AFDN: variants seen among roughly 807,000 people sequenced by gnomAD.
The protein encoded by AFDN is afadin, adherens junction formation factor.
AFDN carries 68 observed loss-of-function variants against 216.6 expected under a neutral mutation model. The ratio of observed to expected loss-of-function variants is 0.31; its 90% CI spans 0.26 to 0.38. The LOEUF (loss-of-function observed/expected upper bound fraction) is 0.38. Ranked by LOEUF, AFDN falls within the 10% of genes least tolerant of loss-of-function variation. AFDN has a pLI of 1.00. For missense variants in AFDN, 2,136 were observed against 2,342.0 expected, an observed-to-expected ratio of 0.91 and a Z score of 1.82; for synonymous variants, 868 against 853.7, an observed-to-expected ratio of 1.02 and a Z score of -0.29.
intron 11 of AFDN, among the ~76,000 whole-genome samples, chr6:167,900,784 C>T (rs995219369): frequency 2.0e-5 from 3 of 152,188 alleles, no homozygotes; most frequent in Admixed American, 6.5e-5. Context: ...ATTGTTACTC[C>T]TGTTGTCAGA....
At chr6:167,952,588 C>T (rs760377337) in intron 30 of AFDN, 1 of 734,600 alleles carries the variant, frequency 1.4e-6, no homozygotes, top group Non-Finnish European at 1.7e-6. Flanking sequence ...CACGGGGTCT[C>T]TGGCAACCCC....
intron 6 of AFDN, among the ~76,000 whole-genome samples, chr6:167,883,866 T>C (rs1450622827): frequency 1.5e-5 from 2 of 135,274 alleles, no homozygotes. Flanking sequence ...TTTGCTGCAT[T>C]GATTGACTCT....
chr6:167,890,137 T>G (rs1355133710), intron 7 of AFDN, among the ~76,000 whole-genome samples: 1 of 152,228 alleles, frequency 6.6e-6, no homozygotes, highest in Non-Finnish European at 1.5e-5. Flanking sequence ...GACATAAAAA[T>G]GTATTGCCAT....
At chr6:167,880,337 A>T in intron 5 of AFDN, 23 bp from the exon 6 acceptor site, 1 of 1,607,702 alleles carries the variant, frequency 6.2e-7, no homozygotes, top group Non-Finnish European at 8.5e-7. Context: ...GTTGTACTCA[A>T]AGATGTCAAA....
intron 1 of AFDN, among the ~76,000 whole-genome samples, chr6:167,836,404 AT>A (rs1201357862): frequency 6.6e-6 from 1 of 152,246 alleles, no homozygotes; most frequent in African/African-American, 2.4e-5. Flanking sequence ...TTCTCCTACT[AT>A]GTTTAGTTGT....
At chr6:167,853,380 T>C (rs575427651) in intron 1 of AFDN, among the ~76,000 whole-genome samples, 8 of 152,192 alleles carry the variant, frequency 5.3e-5, no homozygotes, top group Non-Finnish European at 7.4e-5. Context: ...GCAAAATTAT[T>C]TGCAGATACT....
Position 167,911,094 on chromosome 6 carries a change from C to CT in AFDN, c.1770-3dup. ...TATTTTAAGTGATGTCAGCTTTCTT[C>CT]TTTTAGAACACAGGATGCTTCTGGG... On this transcript the variant is annotated splice_polypyrimidine_tract_variant and splice_region_variant and intron_variant, in intron 13 of 33. Transcript: ENST00000683244. The CT allele has an allele frequency of 6.2e-7, 1 of 1,610,746 alleles. No individual in the cohort carries two copies. The highest frequency in any genetic ancestry group is 8.5e-7 in the Non-Finnish European group (1 of 1,178,952).
chr6:167,948,506 T>C (rs762959712), intron 29 of AFDN, 28 bp downstream of exon 29: 3 of 1,599,386 alleles, frequency 1.9e-6, no homozygotes, highest in Non-Finnish European at 1.7e-6. Flanking sequence ...CCACACACTT[T>C]TCTCACCTCT....
intron 6 of AFDN, among the ~76,000 whole-genome samples, chr6:167,883,997 A>G (rs1250880958): frequency 6.6e-6 from 1 of 152,190 alleles, no homozygotes; most frequent in Non-Finnish European, 1.5e-5. Context: ...TTATCAACTA[A>G]GTTTATATAA....
chr6:167,952,293 G>T, intron 30 of AFDN, 106 bp downstream of exon 30: 3 of 1,579,766 alleles, frequency 1.9e-6, no homozygotes, highest in Non-Finnish European at 2.6e-6. Context: ...AGGATTAAAA[G>T]GGCCCCTAGG....
chr6:167,898,942 A>G (rs1788610592), intron 11 of AFDN, among the ~76,000 whole-genome samples: 1 of 152,208 alleles, frequency 6.6e-6, no homozygotes, highest in Non-Finnish European at 1.5e-5. Context: ...GCCTTTCTTA[A>G]TGACTATCTA....
At chr6:167,853,355 C>G (rs9455914) in intron 1 of AFDN, among the ~76,000 whole-genome samples, 134,851 of 152,030 alleles carry the variant, frequency 0.89, 59,995 homozygotes, top group Non-Finnish European at 0.92. Context: ...TCTGAATGGG[C>G]ATTTAAAAAA....
At chr6:167,842,322 A>C (rs1386792153) in intron 1 of AFDN, among the ~76,000 whole-genome samples, 1 of 151,280 alleles carries the variant, frequency 6.6e-6, no homozygotes, top group Non-Finnish European at 1.5e-5. Context: ...AGTTGACTCC[A>C]TTTTGCTCAT....
rs114554562 is a variant in AFDN, at chr6:167,932,344, G to T, written c.3099+7253G>T. ...TCCAGATGATTTGGAAGCAGTGTGG[G>T]TATGCAGTTTACTTTTTAAAACATT... On this transcript the variant is annotated intron_variant, in intron 23 of 33. Coordinates refer to ENST00000683244, the MANE Select transcript of AFDN (RefSeq NM_001386888.1). Among the ~76,000 whole-genome samples, 1,064 of 152,298 alleles carry T rather than the reference G, an allele frequency of 7.0e-3. 16 individuals are homozygous for T. Among genetic ancestry groups the T allele is most frequent in the African/African-American group, 0.024 (1,012 of 41,548 alleles).
intron 1 of AFDN, among the ~76,000 whole-genome samples, chr6:167,853,568 A>G (rs528876548): frequency 3.3e-5 from 5 of 152,122 alleles, no homozygotes; most frequent in African/African-American, 4.8e-5. Flanking sequence ...AAATAGTTAC[A>G]TGGTTCCAGA....
intron 12 of AFDN, among the ~76,000 whole-genome samples, chr6:167,902,705 C>A (rs1350515673): frequency 6.6e-6 from 1 of 152,186 alleles, no homozygotes; most frequent in African/African-American, 2.4e-5. Flanking sequence ...TCTGTCTCCT[C>A]TCTCAAAATA....
At chr6:167,891,056 C>A in intron 8 of AFDN, 27 bp downstream of exon 8, 3 of 1,506,452 alleles carry the variant, frequency 2.0e-6, no homozygotes, top group Non-Finnish European at 2.7e-6. Flanking sequence ...CACCAGCACA[C>A]ATTATTAATG....
Position 167,915,190 on chromosome 6 carries a change from A to G in AFDN, c.2322A>G (p.Thr774=). ...CAGATGATGTGCTGCACACGCTCAC[A>G]GGAGCCATGTCCTTGCTACGACGCT... is the stretch of plus-strand genomic sequence containing the variant. ...PKIDDVLHTL[T]GAMSLLRRCR... The change falls in exon 19 of 34, where the codon ACA becomes ACG. Residue 774 remains threonine, a synonymous_variant. Coordinates refer to ENST00000683244, the MANE Select transcript of AFDN (RefSeq NM_001386888.1). 6.2e-7 allele frequency: 1 copy of G among 1,614,198 alleles called. No homozygotes were observed. Among genetic ancestry groups the G allele is most frequent in the Non-Finnish European group, 8.5e-7 (1 of 1,180,042 alleles).
At position 167,909,388 on chromosome 6, in the gene AFDN, G is replaced by A. The variant is rs533135102; in HGVS notation, c.1770-1713G>A. On this transcript the variant is annotated intron_variant, in intron 13 of 33. Transcript: ENST00000683244. The stretch of plus-strand genomic sequence containing the variant: ...GTGCATGGAGAAGGTGAGGATGGAG[G>A]GAAGAGAATGGTTTGCTGTTGAAAA... 5.5e-4 allele frequency among the ~76,000 whole-genome samples: 84 copies of A among 151,688 alleles called. 2 individuals carry two copies. Among genetic ancestry groups the A allele is most frequent in the African/African-American group, 2.0e-3 (82 of 41,394 alleles).
Sources: gnomAD v4.1 joint callset for allele counts (sites outside exome capture counted in the v4.1 genomes callset) on GRCh38, gnomAD v4.1.1 for gene constraint, MANE v1.5 for transcripts, NCBI Gene and HGNC (gene_info 2026-07-23, HGNC 2026-07-21) for gene names.